Variants in CTDP1 observed in about 807,000 individuals in gnomAD.
CTDP1 encodes CTD phosphatase 1.
CTDP1 carries 47 observed loss-of-function variants against 91.8 expected under a neutral mutation model. The ratio of observed to expected loss-of-function variants is 0.51; its 90% CI spans 0.41 to 0.65. The LOEUF is 0.65. Among genes scored for constraint, CTDP1 ranks in the 30% least tolerant of loss-of-function variants. The probability of loss-of-function intolerance (pLI) is 0.00; values close to 1 mark genes in which losing one functional copy is unlikely to be tolerated. For synonymous variants in CTDP1, 656 were observed against 598.5 expected (o/e 1.10, Z -1.40); for missense variants, 1,272 against 1,373.7 (o/e 0.93, Z 1.17).
chr18:79,723,395 C>G (rs1454745067), intron 10 of CTDP1, among the ~76,000 whole-genome samples: 1 of 152,178 alleles, frequency 6.6e-6, no homozygotes, highest in Non-Finnish European at 1.5e-5. Flanking sequence ...TCTCGGAACC[C>G]CGTGCAGACC....
chr18:79,745,230 A>T (rs1005679284), intron 12 of CTDP1, among the ~76,000 whole-genome samples: 1 of 149,728 alleles, frequency 6.7e-6, no homozygotes. Context: ...GTTTGACTGG[A>T]TTGTGCGTCC....
intron 5 of CTDP1, among the ~76,000 whole-genome samples, chr18:79,707,317 C>T (rs753038532): frequency 9.2e-5 from 14 of 152,330 alleles, no homozygotes; most frequent in Non-Finnish European, 1.9e-4. Flanking sequence ...GTTTCTTTAT[C>T]AGCCTGAAAG....
In CTDP1 at chr18:79,753,852, G is replaced by A. The variant is rs1262072904; in HGVS notation, c.*62G>A. 6.3e-7 allele frequency: 1 copy of A among 1,580,470 alleles called. No individual in the cohort carries two copies. The highest frequency in any genetic ancestry group is 8.6e-7 in the Non-Finnish European group (1 of 1,163,626). On this transcript the variant is annotated 3_prime_UTR_variant, in exon 13 of 13. Transcript: ENST00000613122. ...CTCCAGCAGCACTCGGACGTCCCCG[G>A]ACCAGCCCTCAGTCTCGGTCCACGC... is the stretch of plus-strand genomic sequence containing the variant.
intron 1 of CTDP1, among the ~76,000 whole-genome samples, chr18:79,693,799 A>G (rs910104272): frequency 1.3e-5 from 2 of 151,960 alleles, no homozygotes; most frequent in Admixed American, 6.6e-5. Context: ...TCCAGGCTAC[A>G]GACCCGCCCC....
chr18:79,730,088 T>TAA (rs2086535544), intron 11 of CTDP1, among the ~76,000 whole-genome samples: 1 of 152,250 alleles, frequency 6.6e-6, no homozygotes, highest in Non-Finnish European at 1.5e-5. Flanking sequence ...ACTCAGGTCA[T>TAA]CACCTTTAGA....
intron 1 of CTDP1, among the ~76,000 whole-genome samples, chr18:79,684,925 A>ATCAGTGCAG (rs2085454026): frequency 5.4e-5 from 2 of 37,104 alleles, no homozygotes; most frequent in African/African-American, 7.6e-5. Flanking sequence ...CCTGGTGAGG[A>ATCAGTGCAG]GGACGGTGCA....
At chr18:79,721,192 A>G (rs934024388) in intron 10 of CTDP1, among the ~76,000 whole-genome samples, 1 of 152,190 alleles carries the variant, frequency 6.6e-6, no homozygotes, top group Admixed American at 6.5e-5. Context: ...CGGTGATCCC[A>G]GGGACTGGGA....
At chr18:79,733,854 G>A (rs1376574387) in intron 11 of CTDP1, among the ~76,000 whole-genome samples, 4 of 152,154 alleles carry the variant, frequency 2.6e-5, no homozygotes, top group Non-Finnish European at 4.4e-5. Flanking sequence ...ACAGGATACC[G>A]TAGCATCTGC....
At chr18:79,752,020 G>A (rs2087012482) in intron 12 of CTDP1, among the ~76,000 whole-genome samples, 1 of 152,218 alleles carries the variant, frequency 6.6e-6, no homozygotes, top group African/African-American at 2.4e-5. Flanking sequence ...TTGTAGCTGA[G>A]GTTCCTTGGC....
downstream of CTDP1, chr18:79,755,417 G>T (rs953808616): frequency 6.6e-6 from 1 of 152,158 alleles, no homozygotes; most frequent in African/African-American, 2.4e-5. Context: ...ATTTCGCCAC[G>T]AGCAAGAATG....
At chr18:79,711,290 A>C (rs1395767209) in intron 6 of CTDP1, among the ~76,000 whole-genome samples, 2 of 152,004 alleles carry the variant, frequency 1.3e-5, no homozygotes, top group Admixed American at 1.3e-4. Flanking sequence ...CCAAATTTTC[A>C]TTCCTATGCG....
intron 5 of CTDP1, 146 bp from the exon 6 acceptor site, chr18:79,710,200 T>G (rs1170400271): frequency 1.3e-5 from 10 of 752,766 alleles, no homozygotes; most frequent in Non-Finnish European, 2.4e-5. Context: ...GAGCCACGTC[T>G]TACCTCAAAA....
intron 10 of CTDP1, among the ~76,000 whole-genome samples, chr18:79,721,828 A>ATT (rs200327297): frequency 7.3e-4 from 107 of 146,194 alleles, no homozygotes; most frequent in Middle Eastern, 3.5e-3. Context: ...ATTTTTATTT[A>ATT]TTTTTTTTTT....
chr18:79,712,897 C>G lies in CTDP1; in HGVS notation c.864-75C>G, dbSNP rs193145068. On this transcript the variant is annotated intron_variant, in intron 6 of 12. Transcript: ENST00000613122. ...GTTACATGTGGATTAGAATCTTAAA[C>G]TGTTACGCTTGGCAAGATGAATGAC... 3.9e-5 allele frequency: 58 copies of G among 1,503,628 alleles called. No individual in the cohort carries two copies. In the African/African-American group the frequency reaches 7.6e-4, roughly 20 times the overall value. The allele number at this position is 1,503,628 out of a possible 1,614,324, so 93.1% of individuals were successfully genotyped here.
At chr18:79,690,034 G>A (rs1180306786) in intron 1 of CTDP1, among the ~76,000 whole-genome samples, 1 of 152,154 alleles carries the variant, frequency 6.6e-6, no homozygotes, top group African/African-American at 2.4e-5. Flanking sequence ...CTGCTTCTTG[G>A]TGGAGAATGA....
chr18:79,712,821 GAAAGGGCT>G, intron 6 of CTDP1, 143 bp from the exon 7 acceptor site: 1 of 751,704 alleles, frequency 1.3e-6, no homozygotes, highest in South Asian at 1.7e-5. Flanking sequence ...GACCCAAACA[GAAAGGGCT>G]TCGGGGCGGT....
intron 10 of CTDP1, among the ~76,000 whole-genome samples, chr18:79,728,253 C>T (rs1047553332): frequency 3.3e-5 from 5 of 152,182 alleles, no homozygotes; most frequent in Admixed American, 1.3e-4. Flanking sequence ...GCGTGCACCA[C>T]CACACCGGGC....
intron 1 of CTDP1, among the ~76,000 whole-genome samples, chr18:79,689,160 C>G (rs1407557597): frequency 6.6e-6 from 1 of 152,126 alleles, no homozygotes; most frequent in Non-Finnish European, 1.5e-5. Flanking sequence ...AGAGTCAGCT[C>G]CTTCGTCTTT....
At chr18:79,718,932 G>A (rs180709430) in intron 10 of CTDP1, among the ~76,000 whole-genome samples, 4 of 152,302 alleles carry the variant, frequency 2.6e-5, no homozygotes, top group African/African-American at 7.2e-5. Flanking sequence ...GGAGAGGTAC[G>A]GCTTGATGTC....
Sources: gnomAD v4.1 joint callset for allele counts (sites outside exome capture counted in the v4.1 genomes callset) on GRCh38, gnomAD v4.1.1 for gene constraint, MANE v1.5 for transcripts, NCBI Gene and HGNC (gene_info 2026-07-23, HGNC 2026-07-21) for gene names.